The following NEBL variants were observed in gnomAD, a reference collection of about 807,000 sequenced individuals.
NEBL encodes the protein nebulette.
NEBL carries 122 observed loss-of-function variants against 140.2 expected under a neutral mutation model. That is an observed-to-expected ratio of 0.87 (90% CI 0.75 to 1.01). NEBL has a LOEUF of 1.01. NEBL is among the 50% of genes least tolerant of loss of function. The pLI, the probability that NEBL is intolerant of heterozygous loss-of-function variation, is 0.00. For missense variants in NEBL, 1,365 were observed against 1,231.3 expected (o/e 1.11, Z -1.62); for synonymous variants, 436 against 398.9 (o/e 1.09, Z -1.11).
intron 1 of NEBL, among the ~76,000 whole-genome samples, chr10:21,292,005 GT>G (rs35505618): frequency 0.22 from 33,589 of 152,064 alleles, 4,106 homozygotes; most frequent in African/African-American, 0.32. Flanking sequence ...CCCAGACTTG[GT>G]TTCTCTTCCA....
At chr10:20,936,009 A>C (rs570192685) in intron 4 of NEBL, among the ~76,000 whole-genome samples, 1 of 152,312 alleles carries the variant, frequency 6.6e-6, no homozygotes, top group South Asian at 2.1e-4. Context: ...ATATAAAATA[A>C]ACTGTTGCAA....
intron 4 of NEBL, among the ~76,000 whole-genome samples, chr10:20,930,272 C>A (rs1467330434): frequency 1.3e-5 from 2 of 152,140 alleles, no homozygotes; most frequent in African/African-American, 4.8e-5. Context: ...TTTCCCTACT[C>A]CCTCATTACA....
At chr10:21,093,181 C>T (rs951042536) in intron 2 of NEBL, among the ~76,000 whole-genome samples, 1 of 37,462 alleles carries the variant, frequency 2.7e-5, no homozygotes, top group Admixed American at 2.8e-4. Context: ...TTAGCAGAGC[C>T]AAATGAAGAT....
intron 4 of NEBL, among the ~76,000 whole-genome samples, chr10:20,933,096 C>T (rs1834278261): frequency 6.6e-6 from 1 of 152,084 alleles, no homozygotes; most frequent in Admixed American, 6.6e-5. Flanking sequence ...TTAGAAGAAC[C>T]TAGATTCTCT....
intron 3 of NEBL, chr10:21,217,752 A>T (rs1333414873): frequency 6.6e-6 from 1 of 152,222 alleles, no homozygotes; most frequent in Non-Finnish European, 1.5e-5. Context: ...TGAAATTTTC[A>T]TCAAATAGTA....
At chr10:21,143,306 G>T (rs1839730751) in intron 2 of NEBL, among the ~76,000 whole-genome samples, 1 of 151,810 alleles carries the variant, frequency 6.6e-6, no homozygotes, top group Non-Finnish European at 1.5e-5. Context: ...AAAATTAGCT[G>T]GGCGTGGTGG....
intron 2 of NEBL, among the ~76,000 whole-genome samples, chr10:20,893,457 A>G (rs1847196678): frequency 1.3e-5 from 2 of 152,190 alleles, no homozygotes; most frequent in African/African-American, 4.8e-5. Context: ...TGAGTTGTGC[A>G]AAGAGGAACC....
chr10:21,280,772 G>A lies in NEBL; in HGVS notation n.182+12058C>T, dbSNP rs372225153. 4.5e-4 allele frequency among the ~76,000 whole-genome samples: 68 copies of A among 151,758 alleles called. 1 individual carries two copies. Among genetic ancestry groups the A allele is most frequent in the African/African-American group, 1.5e-3 (63 of 41,382 alleles). The stretch of plus-strand genomic sequence containing the variant: ...TGGGATTACAGGCACACACCATCGC[G>A]CATGGCTAATTGTTGTATTTTTAGT... On this transcript the variant is annotated intron_variant and non_coding_transcript_variant, in intron 1 of 8. Coordinates refer to the NEBL transcript ENST00000675702.
chr10:21,101,754 A>T (rs563530727), intron 2 of NEBL, among the ~76,000 whole-genome samples: 3 of 152,324 alleles, frequency 2.0e-5, no homozygotes, highest in African/African-American at 7.2e-5. Flanking sequence ...CCACTAAAAC[A>T]ACTTTGTGCC....
At chr10:21,077,980 G>A (rs1224011700) in intron 2 of NEBL, among the ~76,000 whole-genome samples, 1 of 152,164 alleles carries the variant, frequency 6.6e-6, no homozygotes, top group Non-Finnish European at 1.5e-5. Context: ...TGCAGAGCTG[G>A]CTGTCACAGG....
chr10:21,273,792 G>A (rs11012633), intron 1 of NEBL, among the ~76,000 whole-genome samples: 16,916 of 152,248 alleles, frequency 0.11, 1,061 homozygotes, highest in South Asian at 0.19. Context: ...AAGGCTCCCA[G>A]GGTTCTCAGC....
intron 26 of NEBL, among the ~76,000 whole-genome samples, chr10:20,807,768 G>A (rs2574771): frequency 6.6e-6 from 1 of 151,976 alleles, no homozygotes; most frequent in Non-Finnish European, 1.5e-5. Flanking sequence ...CCTCCTTGCT[G>A]TACTAAAATA....
At chr10:21,077,694 C>A (rs1177670431) in intron 2 of NEBL, among the ~76,000 whole-genome samples, 2 of 152,080 alleles carry the variant, frequency 1.3e-5, no homozygotes, top group African/African-American at 4.8e-5. Context: ...AGCTGATGGT[C>A]TGTTGGTTCC....
chr10:20,880,876 G>A lies in NEBL; in HGVS notation c.398C>T (p.Ala133Val), dbSNP rs776701683. Residue 133 changes from alanine (A) to valine (V), a missense_variant, in exon 5 of 28, where the codon GCC (alanine) becomes GTC (valine). Physicochemically the swap from Ala to Val is moderately conservative, Grantham distance 64 (BLOSUM62 0). Coordinates refer to ENST00000377122, the MANE Select transcript of NEBL (RefSeq NM_006393.3). ...GTGGGCATAATCTGAGAATCCTTTGGCAGCATCATGTTTCTGCTTGTAGGC... is the reference window on the plus strand; with the variant it reads ...GTGGGCATAATCTGAGAATCCTTTGACAGCATCATGTTTCTGCTTGTAGGC... ...EVAYKQKHDA[A>V]KGFSDYAHMK... The A allele has an allele frequency of 6.2e-7, 1 of 1,613,910 alleles. No homozygotes were observed. The highest frequency in any genetic ancestry group is 8.5e-7 in the Non-Finnish European group (1 of 1,180,018).
chr10:21,070,930 A>G (rs987325925), intron 2 of NEBL, among the ~76,000 whole-genome samples: 3 of 151,998 alleles, frequency 2.0e-5, no homozygotes, highest in Admixed American at 6.6e-5. Context: ...TAACCCCAAC[A>G]CTTTGGGAGA....
intron 2 of NEBL, among the ~76,000 whole-genome samples, chr10:21,128,397 T>A (rs189734849): frequency 6.6e-6 from 1 of 152,104 alleles, no homozygotes; most frequent in Admixed American, 6.6e-5. Context: ...ACCAAAAATG[T>A]CACACACACA....
chr10:21,290,237 G>T (rs1843124138), intron 1 of NEBL, among the ~76,000 whole-genome samples: 1 of 152,200 alleles, frequency 6.6e-6, no homozygotes, highest in African/African-American at 2.4e-5. Flanking sequence ...ATGAGTTGTA[G>T]TCAGAGTAAA....
chr10:21,180,162 G>A (rs1841365040), intron 3 of NEBL, among the ~76,000 whole-genome samples: 1 of 151,668 alleles, frequency 6.6e-6, no homozygotes. Context: ...AAAAAGAAAA[G>A]GCAAGGAAAC....
At chr10:21,012,344 G>GTA (rs1233509562) in intron 3 of NEBL, among the ~76,000 whole-genome samples, 1 of 151,756 alleles carries the variant, frequency 6.6e-6, no homozygotes, top group Non-Finnish European at 1.5e-5. Context: ...CATTGATTGT[G>GTA]TATATATATA....
Sources: allele counts gnomAD v4.1 joint callset (sites outside exome capture counted in the v4.1 genomes callset), GRCh38; gene constraint gnomAD v4.1.1; transcripts MANE v1.5; gene names NCBI Gene and HGNC (gene_info 2026-07-23, HGNC 2026-07-21).